RBM6: variants seen among roughly 807,000 people sequenced by gnomAD.
The protein encoded by RBM6 is RNA binding motif protein 6, also known as RNA-binding protein 6.
A neutral mutation model predicts 140.4 loss-of-function variants in RBM6; 23 were observed. The observed-to-expected ratio is 0.16, with a 90% CI of 0.12 to 0.23. The LOEUF is 0.23. RBM6 is among the 10% of genes least tolerant of loss of function. RBM6 has a pLI of 1.00. For missense variants in RBM6, 1,139 were observed against 1,386.7 expected, an observed-to-expected ratio of 0.82 and a Z score of 2.84; for synonymous variants, 439 against 475.6, an observed-to-expected ratio of 0.92 and a Z score of 1.00.
chr3:50,015,782 A>G (rs1265325617), intron 6 of RBM6, among the ~76,000 whole-genome samples: 1 of 152,144 alleles, frequency 6.6e-6, no homozygotes, highest in East Asian at 1.9e-4. Flanking sequence ...TGGAGTACCC[A>G]TGTTATGATA....
intron 5 of RBM6, among the ~76,000 whole-genome samples, chr3:49,984,258 A>G (rs1200547242): frequency 6.6e-6 from 1 of 152,180 alleles, no homozygotes; most frequent in African/African-American, 2.4e-5. Context: ...AGCCAAGATC[A>G]TGCCACTGCA....
intron 6 of RBM6, among the ~76,000 whole-genome samples, chr3:50,043,591 CTT>C (rs1187106741): frequency 6.6e-6 from 1 of 151,352 alleles, no homozygotes; most frequent in Non-Finnish European, 1.5e-5. Context: ...TATGGCCCCT[CTT>C]TTTTTATTTG....
intron 5 of RBM6, among the ~76,000 whole-genome samples, chr3:49,977,942 C>T (rs1346487984): frequency 5.3e-5 from 8 of 151,990 alleles, no homozygotes; most frequent in African/African-American, 1.9e-4. Flanking sequence ...CATAGCAAGA[C>T]CTTGTCTCTT....
chr3:50,011,716 G>A (rs1265076809), intron 6 of RBM6, among the ~76,000 whole-genome samples: 1 of 151,764 alleles, frequency 6.6e-6, no homozygotes, highest in Admixed American at 6.6e-5. Flanking sequence ...AAACATTATT[G>A]ACATAAATTA....
intron 1 of RBM6, among the ~76,000 whole-genome samples, chr3:49,948,986 C>A (rs928277614): frequency 1.3e-5 from 2 of 150,474 alleles, no homozygotes; most frequent in African/African-American, 2.4e-5. Flanking sequence ...CCTGCCACCA[C>A]GCCTGGCTAA....
At chr3:50,026,854 G>A (rs1465074747) in intron 6 of RBM6, among the ~76,000 whole-genome samples, 9 of 140,126 alleles carry the variant, frequency 6.4e-5, no homozygotes, top group African/African-American at 1.1e-4. Context: ...AGCAGAGATC[G>A]CACCACTGCA....
chr3:50,058,100 C>T, intron 9 of RBM6, 97 bp downstream of exon 9: 1 of 1,412,590 alleles, frequency 7.1e-7, no homozygotes, highest in Non-Finnish European at 9.6e-7. Flanking sequence ...TTCCAGTACC[C>T]TGAGAGATCT....
intron 1 of RBM6, among the ~76,000 whole-genome samples, chr3:49,952,733 G>A (rs1474730886): frequency 6.6e-6 from 1 of 151,092 alleles, no homozygotes; most frequent in East Asian, 2.0e-4. Flanking sequence ...CCCGACCTCA[G>A]GTGATCCACC....
At chr3:50,027,505 C>G (rs578182669) in intron 6 of RBM6, among the ~76,000 whole-genome samples, 1 of 152,180 alleles carries the variant, frequency 6.6e-6, no homozygotes, top group African/African-American at 2.4e-5. Context: ...TCTCCTACTT[C>G]CTTCTCTACC....
At position 50,070,608 on chromosome 3, in the gene RBM6, T is replaced by C. The variant is rs1456216045; in HGVS notation, c.3116+56T>C. ...CCTCAAGCCTAATGATAAAACCACC[T>C]CCTCCTTCAACTGTACTGCTGTTTT... is the stretch of plus-strand genomic sequence containing the variant. On this transcript the variant is annotated intron_variant, in intron 19 of 20. Coordinates refer to ENST00000266022, the MANE Select transcript of RBM6 (RefSeq NM_005777.3). The C allele has an allele frequency of 1.0e-5, 13 of 1,245,930 alleles. No homozygotes were observed. The East Asian group carries it at 3.0e-4, about 29-fold the overall frequency. The allele number at this position is 1,245,930 out of a possible 1,614,324, so 77.2% of individuals were successfully genotyped here.
chr3:50,043,881 CTTT>C (rs35383235), intron 6 of RBM6, among the ~76,000 whole-genome samples: 21 of 134,224 alleles, frequency 1.6e-4, no homozygotes, highest in South Asian at 2.5e-4. Context: ...CGTGCCCAGC[CTTT>C]TTTTTTTTTT....
chr3:50,007,572 G>C (rs1259976477), intron 6 of RBM6, among the ~76,000 whole-genome samples: 1 of 148,880 alleles, frequency 6.7e-6, no homozygotes, highest in Admixed American at 6.7e-5. Context: ...TGGCTCTGTC[G>C]CCCAGGTTGG....
At chr3:49,948,493 G>A (rs750329466) in intron 1 of RBM6, among the ~76,000 whole-genome samples, 2 of 152,012 alleles carry the variant, frequency 1.3e-5, no homozygotes, top group Non-Finnish European at 2.9e-5. Context: ...TTGGGAGGCC[G>A]AGGCAGGTCA....
intron 15 of RBM6, among the ~76,000 whole-genome samples, chr3:50,064,475 A>G (rs1277665908): frequency 6.6e-6 from 1 of 152,152 alleles, no homozygotes; most frequent in Non-Finnish European, 1.5e-5. Context: ...CTGGTCTGAC[A>G]TACAGTAATC....
intron 5 of RBM6, among the ~76,000 whole-genome samples, chr3:49,992,319 A>G (rs1052455931): frequency 2.6e-5 from 4 of 152,130 alleles, no homozygotes; most frequent in Non-Finnish European, 5.9e-5. Context: ...TAGAAAAAAA[A>G]TGTTTATGGG....
At chr3:50,059,174 G>T (rs759633428) in intron 10 of RBM6, among the ~76,000 whole-genome samples, 1 of 152,034 alleles carries the variant, frequency 6.6e-6, no homozygotes, top group Non-Finnish European at 1.5e-5. Context: ...GATTTATTTT[G>T]TCCAGCCACA....
intron 5 of RBM6, among the ~76,000 whole-genome samples, chr3:49,985,485 T>C (rs2085511376): frequency 1.3e-5 from 2 of 152,208 alleles, no homozygotes; most frequent in Non-Finnish European, 2.9e-5. Flanking sequence ...GGTTATCTCT[T>C]AGGTCTTTTG....
intron 6 of RBM6, among the ~76,000 whole-genome samples, chr3:50,003,101 C>A (rs1164151364): frequency 1.3e-5 from 2 of 151,656 alleles, no homozygotes; most frequent in Non-Finnish European, 2.9e-5. Flanking sequence ...GCTGACAGAG[C>A]AAGACTCTGT....
chr3:50,027,981 A>G (rs936418660), intron 6 of RBM6, among the ~76,000 whole-genome samples: 3 of 152,036 alleles, frequency 2.0e-5, no homozygotes, highest in African/African-American at 7.2e-5. Flanking sequence ...CCAGGTTTCA[A>G]TTCTGGTTTG....
Sources: allele counts gnomAD v4.1 joint callset (sites outside exome capture counted in the v4.1 genomes callset), GRCh38; gene constraint gnomAD v4.1.1; transcripts MANE v1.5; gene names NCBI Gene and HGNC (gene_info 2026-07-23, HGNC 2026-07-21).